The following PCDHA5 variants were observed in gnomAD, a reference collection of about 807,000 sequenced individuals.
PCDHA5 encodes protocadherin alpha-5.
Under a neutral mutation model 61.6 loss-of-function variants are expected in PCDHA5, and 43 were observed. The observed-to-expected ratio is 0.70, with a 90% CI of 0.55 to 0.90. PCDHA5 has a LOEUF of 0.90. PCDHA5 is among the 40% of genes least tolerant of loss of function. The pLI is 0.00. For missense variants in PCDHA5, 1,298 were observed against 1,222.7 expected, an observed-to-expected ratio of 1.06 and a Z score of -0.92; for synonymous variants, 627 against 543.9, an observed-to-expected ratio of 1.15 and a Z score of -2.13.
intron 1 of PCDHA5, chr5:140,836,570 G>C: frequency 1.2e-6 from 2 of 1,613,682 alleles, no homozygotes; most frequent in East Asian, 2.2e-5. Context: ...CGTCCTCTGA[G>C]GGCGCATGTA....
intron 1 of PCDHA5, chr5:140,928,429 T>A: frequency 6.2e-7 from 1 of 1,614,146 alleles, no homozygotes; most frequent in Non-Finnish European, 8.5e-7. Flanking sequence ...CAAAACTTCC[T>A]TTGACTTTGA....
In PCDHA5 at chr5:141,010,844, A is replaced by T. The variant is rs1286149629; in HGVS notation, c.*907A>T. ...TGTTTGTTGTTTCATAGATTTATTT[A>T]AAAAAAGAGAAAGTCTATAGCTATA... On this transcript the variant is annotated 3_prime_UTR_variant, in exon 4 of 4. Coordinates refer to ENST00000529859, the MANE Select transcript of PCDHA5 (RefSeq NM_018908.3). The T allele has an allele frequency of 1.3e-5, 2 of 153,756 alleles. No homozygotes were observed. The highest frequency in any genetic ancestry group is 2.9e-5 in the Non-Finnish European group (2 of 68,056). 9.5% of individuals were successfully genotyped at this position (153,756 alleles called of 1,614,324 possible).
intron 1 of PCDHA5, chr5:140,875,246 C>T: frequency 1.0e-6 from 1 of 955,372 alleles, no homozygotes; most frequent in Non-Finnish European, 1.5e-6. Context: ...CTTACATAAT[C>T]AGTCACATGA....
chr5:140,914,933 T>C (rs1025071911), intron 1 of PCDHA5, among the ~76,000 whole-genome samples: 1 of 149,146 alleles, frequency 6.7e-6, no homozygotes, highest in Non-Finnish European at 1.5e-5. Flanking sequence ...TACTATGTTG[T>C]GAAAAGTTGT....
Position 140,968,348 on chromosome 5 carries a change from A to G in PCDHA5, c.2353-10601A>G, listed in dbSNP as rs782567344. The stretch of plus-strand genomic sequence containing the variant: ...CTCCTATGTCTCCATTAACAGTGCC[A>G]GTGGCAGCCTTTATGCTGTCAACTC... On this transcript the variant is annotated intron_variant, in intron 1 of 3. Coordinates refer to ENST00000529859, the MANE Select transcript of PCDHA5 (RefSeq NM_018908.3). 1 of 1,614,124 alleles carries G rather than the reference A, an allele frequency of 6.2e-7. No individual in the cohort carries two copies. The highest frequency in any genetic ancestry group is 2.2e-5 in the East Asian group (1 of 44,886).
intron 3 of PCDHA5, among the ~76,000 whole-genome samples, chr5:140,985,878 T>C (rs891027308): frequency 6.6e-6 from 1 of 151,706 alleles, no homozygotes; most frequent in Non-Finnish European, 1.5e-5. Flanking sequence ...TAGCTGGGAC[T>C]ACAGGCGCCC....
At chr5:140,985,062 T>C (rs2097134097) in intron 3 of PCDHA5, among the ~76,000 whole-genome samples, 1 of 152,058 alleles carries the variant, frequency 6.6e-6, no homozygotes, top group African/African-American at 2.4e-5. Flanking sequence ...CTCAGCCTCC[T>C]GAGTAGCTGA....
At chr5:140,873,403 G>A (rs2054270816) in intron 1 of PCDHA5, among the ~76,000 whole-genome samples, 1 of 152,046 alleles carries the variant, frequency 6.6e-6, no homozygotes, top group South Asian at 2.1e-4. Flanking sequence ...TTCAGTACAG[G>A]TTAAAATTTT....
At chr5:140,918,115 A>G (rs185486488) in intron 1 of PCDHA5, among the ~76,000 whole-genome samples, 14 of 152,198 alleles carry the variant, frequency 9.2e-5, no homozygotes, top group African/African-American at 3.1e-4. Flanking sequence ...CACATCCTTG[A>G]TTAGCCATAT....
intron 1 of PCDHA5, chr5:140,841,598 G>A (rs2150318945): frequency 8.1e-6 from 13 of 1,614,142 alleles, no homozygotes; most frequent in Admixed American, 6.7e-5. Context: ...GATCGACCGC[G>A]AGGAGCTGTG....
intron 1 of PCDHA5, chr5:140,830,343 C>A (rs2150185146): frequency 6.2e-7 from 1 of 1,614,058 alleles, no homozygotes; most frequent in South Asian, 1.1e-5. Flanking sequence ...TGGTCGTACT[C>A]GCAGCAGAGG....
At chr5:140,907,975 G>A (rs1242073777) in intron 1 of PCDHA5, among the ~76,000 whole-genome samples, 1 of 152,154 alleles carries the variant, frequency 6.6e-6, no homozygotes, top group Non-Finnish European at 1.5e-5. Flanking sequence ...TTCCAATCAT[G>A]CTTCTTCCAA....
chr5:140,929,430 A>G, intron 1 of PCDHA5: 1 of 1,490,684 alleles, frequency 6.7e-7, no homozygotes, highest in Non-Finnish European at 9.0e-7. Flanking sequence ...CATCAATTGA[A>G]CTAAACACTC....
chr5:140,979,391 T>C (rs1298274291), intron 2 of PCDHA5, among the ~76,000 whole-genome samples: 1 of 152,202 alleles, frequency 6.6e-6, no homozygotes, highest in Non-Finnish European at 1.5e-5. Context: ...AATGTATACA[T>C]ACATGTTGTC....
chr5:140,940,425 G>T (rs2153645742), intron 1 of PCDHA5, among the ~76,000 whole-genome samples: 1 of 152,034 alleles, frequency 6.6e-6, no homozygotes, highest in African/African-American at 2.4e-5. Flanking sequence ...AATTATTACT[G>T]ATCAAGTCTG....
In PCDHA5 at chr5:140,856,941, C is replaced by A. The variant is rs782304851; in HGVS notation, c.2352+32814C>A. The A allele has an allele frequency of 2.5e-6, 4 of 1,592,588 alleles. No homozygotes were observed. The South Asian group carries it at 3.3e-5, about 13-fold the overall frequency. On this transcript the variant is annotated intron_variant, in intron 1 of 3. Coordinates refer to ENST00000529859, the MANE Select transcript of PCDHA5 (RefSeq NM_018908.3). The stretch of plus-strand genomic sequence containing the variant: ...AGGAAATTTTGGATAAACGAAAGGA[C>A]GGGAGAAATAAAAGTAAATGATGCT...
At chr5:140,972,740 T>G (rs2096553417) in intron 1 of PCDHA5, among the ~76,000 whole-genome samples, 1 of 149,910 alleles carries the variant, frequency 6.7e-6, no homozygotes, top group Admixed American at 6.8e-5. Flanking sequence ...CCCGGCTCAC[T>G]GCAACCTCCG....
intron 1 of PCDHA5, among the ~76,000 whole-genome samples, chr5:140,949,466 G>A (rs2094383684): frequency 6.6e-6 from 1 of 151,662 alleles, no homozygotes; most frequent in Non-Finnish European, 1.5e-5. Flanking sequence ...TTGAAGCCCT[G>A]TTATTAGGCA....
chr5:140,870,355 T>C, intron 1 of PCDHA5: 7 of 1,614,110 alleles, frequency 4.3e-6, no homozygotes, highest in Non-Finnish European at 5.9e-6. Context: ...CGAGAACGTG[T>C]GGGCCTATGA....
Sources: allele counts gnomAD v4.1 joint callset (sites outside exome capture counted in the v4.1 genomes callset), GRCh38; gene constraint gnomAD v4.1.1; transcripts MANE v1.5; gene names NCBI Gene and HGNC (gene_info 2026-07-23, HGNC 2026-07-21).